Variants in OR2T29 observed in about 807,000 individuals in gnomAD.
OR2T29 encodes the protein olfactory receptor 2T29.
For synonymous variants in OR2T29, 2 were observed against 44.9 expected (o/e 0.04, Z 3.82); for missense variants, 7 against 121.9 (o/e 0.06, Z 4.44).
intron 1 of OR2T29, among the ~76,000 whole-genome samples, chr1:248,561,823 A>C (rs1659529899): frequency 1.3e-5 from 1 of 79,906 alleles, no homozygotes; most frequent in Non-Finnish European, 2.2e-5. Context: ...AATGGCCATC[A>C]CTATCATTAA....
chr1:248,562,525 A>T (rs2103075960), intron 1 of OR2T29: 1 of 145,302 alleles, frequency 6.9e-6, no homozygotes, highest in Middle Eastern at 3.4e-3. Context: ...TCCATTTACC[A>T]TTATGTCACA....
chr1:248,562,400 CA>C (rs763438806), intron 1 of OR2T29, among the ~76,000 whole-genome samples: 4 of 140,238 alleles, frequency 2.9e-5, no homozygotes, highest in Non-Finnish European at 4.6e-5. Flanking sequence ...AAAAGAAAAT[CA>C]GTCACTTTTC....
At chr1:248,560,100 GC>G (rs1342913797) in intron 1 of OR2T29, among the ~76,000 whole-genome samples, 8,653 of 26,044 alleles carry the variant, frequency 0.33, 164 homozygotes, top group East Asian at 0.37. Context: ...CTCACACACA[GC>G]TGACCCTTTA....
chr1:248,559,539 C>T lies in OR2T29; in HGVS notation c.-10-38G>A, dbSNP rs533873728. 1.8e-4 allele frequency: 193 copies of T among 1,095,236 alleles called. 1 individual carries two copies. The highest frequency in any genetic ancestry group is 8.6e-4 in the African/African-American group (60 of 69,942). 67.8% of individuals were successfully genotyped at this position (1,095,236 alleles called of 1,614,324 possible). ...GGAGAGTTTTGGAGTCAGTGTAACGCGTCCCTTTGTAATGAGTGTTTAGTG... is the reference window on the plus strand; with the variant it reads ...GGAGAGTTTTGGAGTCAGTGTAACGTGTCCCTTTGTAATGAGTGTTTAGTG... On this transcript the variant is annotated intron_variant, in intron 1 of 1. Transcript: ENST00000641069.
At chr1:248,562,227 G>A (rs1657870257) in intron 1 of OR2T29, among the ~76,000 whole-genome samples, 1 of 150,832 alleles carries the variant, frequency 6.6e-6, no homozygotes, top group Non-Finnish European at 1.5e-5. Flanking sequence ...GAGAGTGAGA[G>A]CCAGCGCACG....
At chr1:248,560,361 C>A (rs2103075289) in intron 1 of OR2T29, among the ~76,000 whole-genome samples, 1 of 96,608 alleles carries the variant, frequency 1.0e-5, no homozygotes, top group East Asian at 2.4e-4. Flanking sequence ...TTCTGCACAA[C>A]CTACCTAAGA....
In OR2T29 at chr1:248,558,147, C is replaced by CAT. The variant is rs1285431605; in HGVS notation, c.*395_*396dup. On this transcript the variant is annotated 3_prime_UTR_variant, in exon 2 of 2. Transcript: ENST00000641069. ...TACCTATATACCCTTTACCCATACT[C>CAT]ATGTGTGGCAGCAACATTGAACTCA... is the stretch of plus-strand genomic sequence containing the variant. The CAT allele has an allele frequency of 9.0e-6, 1 of 111,590 alleles. No homozygotes were observed. The highest frequency in any genetic ancestry group is 1.9e-5 in the Non-Finnish European group (1 of 52,090). The allele number at this position is 111,590 out of a possible 1,614,324, so 6.9% of individuals were successfully genotyped here.
chr1:248,562,262 G>A (rs1242923199), intron 1 of OR2T29, among the ~76,000 whole-genome samples: 5 of 149,682 alleles, frequency 3.3e-5, no homozygotes, highest in Non-Finnish European at 7.5e-5. Context: ...TCCTCTCAGG[G>A]ACACCATCCT....
intron 1 of OR2T29, among the ~76,000 whole-genome samples, chr1:248,559,852 GTTT>G (rs1209696722): frequency 1.9e-5 from 1 of 53,428 alleles, no homozygotes; most frequent in Non-Finnish European, 5.3e-5. Flanking sequence ...TTATTGTAGA[GTTT>G]TTGTCATAGA....
rs1426956113 is a variant in OR2T29 at position 248,558,084 on chromosome 1, ACTTCACAAAAAT to A, written c.*448_*459del. 3 of 112,370 alleles carry A rather than the reference ACTTCACAAAAAT, an allele frequency of 2.7e-5. No homozygotes were observed. In the East Asian group the frequency reaches 1.1e-3, roughly 41 times the overall value. The allele number at this position is 112,370 out of a possible 1,614,324, so 7.0% of individuals were successfully genotyped here. ...ATTTAATTATTTGTAAATGATTTCA[ACTTCACAAAAAT>A]CATTAAAAAACAATAGTACAATTAA... On this transcript the variant is annotated 3_prime_UTR_variant, in exon 2 of 2. Transcript: ENST00000641069.
At chr1:248,562,544 G>A (rs963213371) in intron 1 of OR2T29, 182 bp downstream of exon 1, 1 of 144,836 alleles carries the variant, frequency 6.9e-6, no homozygotes, top group Non-Finnish European at 1.5e-5. Flanking sequence ...CAGTAAATAA[G>A]TGTTGTATAG....
intron 1 of OR2T29, among the ~76,000 whole-genome samples, chr1:248,561,977 T>C (rs548060555): frequency 1.5e-4 from 22 of 147,428 alleles, no homozygotes; most frequent in African/African-American, 5.3e-4. Flanking sequence ...GCTTAATGCA[T>C]GTTTAACTTG....
rs1659544087 is a variant in OR2T29, at chr1:248,562,715, GCC to G, written c.-11+9_-11+10del. ...CCTGCTAGTACCTCCTGTCTGTCTG[GCC>G]GAACTCACCATCAGATGATGTCTTG... On this transcript the variant is annotated intron_variant, in intron 1 of 1. Transcript: ENST00000641069. 1 of 145,346 alleles carries G rather than the reference GCC, an allele frequency of 6.9e-6. No individual in the cohort carries two copies. Among genetic ancestry groups the G allele is most frequent in the South Asian group, 2.2e-4 (1 of 4,604 alleles). 9.0% of individuals were successfully genotyped at this position (145,346 alleles called of 1,614,324 possible).
chr1:248,562,509 T>C (rs190379274), intron 1 of OR2T29: 1 of 144,842 alleles, frequency 6.9e-6, no homozygotes, highest in Non-Finnish European at 1.5e-5. Context: ...AATTGGAAAT[T>C]AAAAATCCAT....
At position 248,560,565 on chromosome 1, in the gene OR2T29, T is replaced by G. The variant is rs1252027380; in HGVS notation, c.-10-1064A>C. On this transcript the variant is annotated intron_variant, in intron 1 of 1. Coordinates refer to ENST00000641069, the MANE Select transcript of OR2T29 (RefSeq NM_001004694.3). Reference sequence around the variant, plus strand: ...TTTATGTGTAAATACTCTGGTTTTATATAAATATATATAATATATTTATGT... The same window carrying G: ...TTTATGTGTAAATACTCTGGTTTTAGATAAATATATATAATATATTTATGT... Among the ~76,000 whole-genome samples, 16 of 32,820 alleles carry G rather than the reference T, an allele frequency of 4.9e-4. No homozygotes were observed. In the East Asian group the frequency reaches 5.3e-3, roughly 11 times the overall value. 21.5% of individuals were successfully genotyped at this position (32,820 alleles called of 152,430 possible). A position where few individuals can be genotyped will look rare whatever the true frequency, so the allele number is the denominator to read the frequency against.
At chr1:248,562,690 C>T (rs1206371775) in intron 1 of OR2T29, 36 bp downstream of exon 1, 1 of 145,332 alleles carries the variant, frequency 6.9e-6, no homozygotes, top group African/African-American at 2.6e-5. Context: ...CCCTTTTGTT[C>T]CTGCTAGTAC....
chr1:248,560,307 A>G (rs1301843737), intron 1 of OR2T29, among the ~76,000 whole-genome samples: 3 of 91,186 alleles, frequency 3.3e-5, no homozygotes, highest in African/African-American at 7.7e-5. Flanking sequence ...CGATGAATAA[A>G]CACATATACT....
rs1659544640 is a variant in OR2T29 at position 248,562,767 on chromosome 1, T to C, written c.-52A>G. 1 of 143,738 alleles carries C rather than the reference T, an allele frequency of 7.0e-6. No individual in the cohort carries two copies. The highest frequency in any genetic ancestry group is 2.2e-4 in the South Asian group (1 of 4,580). 8.9% of individuals were successfully genotyped at this position (143,738 alleles called of 1,614,324 possible). ...GAACCTCACCTAGATGGGCTGGTGG[T>C]GTGTGGCCAGGTTAAGAGCACCAAC... On this transcript the variant is annotated 5_prime_UTR_variant, in exon 1 of 2. Coordinates refer to ENST00000641069, the MANE Select transcript of OR2T29 (RefSeq NM_001004694.3).
chr1:248,562,221 G>A (rs1264729587), intron 1 of OR2T29, among the ~76,000 whole-genome samples: 11 of 150,910 alleles, frequency 7.3e-5, no homozygotes, highest in Admixed American at 4.6e-4. Flanking sequence ...CAGCCCGAGA[G>A]TGAGAGCCAG....
Sources: gnomAD v4.1 joint callset for allele counts (sites outside exome capture counted in the v4.1 genomes callset) on GRCh38, gnomAD v4.1.1 for gene constraint, MANE v1.5 for transcripts, NCBI Gene and HGNC (gene_info 2026-07-23, HGNC 2026-07-21) for gene names.